Variants in DRD3 observed in about 807,000 individuals in gnomAD.
DRD3 encodes dopamine receptor D3.
DRD3 carries 19 observed loss-of-function variants against 36.3 expected under a neutral mutation model. The ratio of observed to expected loss-of-function variants is 0.52; its 90% CI spans 0.36 to 0.77. The LOEUF is 0.77. DRD3 is among the 30% of genes least tolerant of loss of function. DRD3 has a pLI of 0.00. For missense variants in DRD3, 465 were observed against 505.3 expected, an observed-to-expected ratio of 0.92 and a Z score of 0.77; for synonymous variants, 195 against 203.7, an observed-to-expected ratio of 0.96 and a Z score of 0.36.
chr3:114,147,632 T>C, intron 3 of DRD3, 75 bp from the exon 4 acceptor site: 1 of 1,549,994 alleles, frequency 6.5e-7, no homozygotes, highest in Non-Finnish European at 8.8e-7. Context: ...TTGTTGTTGT[T>C]GTTGTTTTTG....
At chr3:114,130,664 C>T (rs1015242517) in intron 6 of DRD3, among the ~76,000 whole-genome samples, 1 of 152,160 alleles carries the variant, frequency 6.6e-6, no homozygotes, top group Non-Finnish European at 1.5e-5. Flanking sequence ...ACCTCGTGAT[C>T]TGCCCACCTC....
intron 1 of DRD3, among the ~76,000 whole-genome samples, chr3:114,188,195 C>T (rs2077985956): frequency 1.3e-5 from 2 of 148,626 alleles, no homozygotes; most frequent in Admixed American, 1.3e-4. Context: ...TAGGGATCAA[C>T]ATTTCTTTTT....
chr3:114,176,170 G>T (rs1416112524), intron 1 of DRD3: 1 of 152,202 alleles, frequency 6.6e-6, no homozygotes, highest in Non-Finnish European at 1.5e-5. Context: ...AAGACTTACA[G>T]AGTTTTAATT....
At chr3:114,183,602 G>T (rs1022369110), upstream of DRD3, among the ~76,000 whole-genome samples, 1 of 151,612 alleles carries the variant, frequency 6.6e-6, no homozygotes, top group Non-Finnish European at 1.5e-5. Context: ...TATTTTGATC[G>T]TCTGTTATGA....
upstream of DRD3, among the ~76,000 whole-genome samples, chr3:114,180,987 T>C (rs2077944833): frequency 6.6e-6 from 1 of 152,180 alleles, no homozygotes; most frequent in South Asian, 2.1e-4. Flanking sequence ...CAGTATCCTA[T>C]GTTTATTTTC....
chr3:114,139,631 A>G lies in DRD3; in HGVS notation c.592T>C (p.Tyr198His). The stretch of plus-strand genomic sequence containing the variant: ...AGGACAGTCACTCCAAAGGGCAGGT[A>G]GAAGGACACCACTGAAGAGTAGATG... ...FVIYSSVVSF[Y>H]LPFGVTVLVY... Residue 198 changes from tyrosine to histidine, a missense_variant, in exon 5 of 7, where the codon TAC becomes CAC. Coordinates refer to ENST00000383673, the MANE Select transcript of DRD3 (RefSeq NM_000796.6). 2.5e-6 allele frequency: 4 copies of G among 1,614,222 alleles called. No individual in the cohort carries two copies. The highest frequency in any genetic ancestry group is 3.4e-6 in the Non-Finnish European group (4 of 1,180,044).
intron 5 of DRD3, among the ~76,000 whole-genome samples, chr3:114,137,611 T>C (rs2077485338): frequency 6.6e-6 from 1 of 151,850 alleles, no homozygotes; most frequent in South Asian, 2.1e-4. Context: ...CTTGGAGAGG[T>C]TGAGGTGGGC....
intron 4 of DRD3, among the ~76,000 whole-genome samples, chr3:114,146,709 A>G (rs974512880): frequency 5.3e-5 from 8 of 151,150 alleles, no homozygotes; most frequent in Admixed American, 2.6e-4. Context: ...AAAAAAAAAA[A>G]AAAAAGAAAA....
chr3:114,138,907 A>G (rs558383530), intron 5 of DRD3, among the ~76,000 whole-genome samples: 40 of 152,224 alleles, frequency 2.6e-4, no homozygotes, highest in Non-Finnish European at 5.1e-4. Flanking sequence ...TCGTGGGAAA[A>G]CTACTAAGTG....
At chr3:114,182,352 C>T (rs1378242653), upstream of DRD3, among the ~76,000 whole-genome samples, 1 of 152,164 alleles carries the variant, frequency 6.6e-6, no homozygotes, top group Non-Finnish European at 1.5e-5. Context: ...TTGAGCACCA[C>T]TTTCTTCCTT....
rs1001122684 is a variant in DRD3, at chr3:114,167,519, A to C, written c.270+4204T>G. ...CTGAAATATAATCTTCTGTGAGGTC[A>C]CCTGCTTGGTTTTTGTCCTGAACTT... On this transcript the variant is annotated intron_variant, in intron 2 of 6. Coordinates refer to ENST00000383673, the MANE Select transcript of DRD3 (RefSeq NM_000796.6). Among the ~76,000 whole-genome samples the C allele has an allele frequency of 4.8e-4, 73 of 152,336 alleles. 1 individual carries two copies. The highest frequency in any genetic ancestry group is 1.7e-3 in the African/African-American group (70 of 41,578).
intron 1 of DRD3, among the ~76,000 whole-genome samples, chr3:114,198,993 C>T (rs2078051307): frequency 6.6e-6 from 1 of 152,220 alleles, no homozygotes; most frequent in Admixed American, 6.5e-5. Context: ...GATACACTCA[C>T]TTCAACCTCC....
At chr3:114,131,616 T>A (rs774588882) in intron 5 of DRD3, among the ~76,000 whole-genome samples, 2 of 152,204 alleles carry the variant, frequency 1.3e-5, no homozygotes, top group Non-Finnish European at 2.9e-5. Flanking sequence ...CACCATATCA[T>A]CAGAGTGAAC....
intron 1 of DRD3, among the ~76,000 whole-genome samples, chr3:114,187,917 A>G (rs1576091134): frequency 6.6e-6 from 1 of 152,296 alleles, no homozygotes; most frequent in East Asian, 1.9e-4. Context: ...TGTGCCTCAT[A>G]TTCATTATGA....
At chr3:114,191,411 C>T (rs536972825) in intron 1 of DRD3, among the ~76,000 whole-genome samples, 4 of 152,278 alleles carry the variant, frequency 2.6e-5, no homozygotes, top group African/African-American at 9.6e-5. Context: ...GAGATGGGAA[C>T]ACGATTGGCA....
Position 114,133,424 on chromosome 3 carries a change from C to T in DRD3, c.724-2024G>A, listed in dbSNP as rs555730333. 4.7e-4 allele frequency among the ~76,000 whole-genome samples: 72 copies of T among 151,730 alleles called. 2 individuals carry two copies. Among genetic ancestry groups the T allele is most frequent in the African/African-American group, 1.7e-3 (70 of 41,338 alleles). ...ATTGTAGATGAAATAAGACTGACCA[C>T]GAATTGATCACGACTGAGGCTGCCT... On this transcript the variant is annotated intron_variant, in intron 5 of 6. Coordinates refer to ENST00000383673, the MANE Select transcript of DRD3 (RefSeq NM_000796.6).
chr3:114,143,903 C>T (rs1413364721), intron 4 of DRD3, among the ~76,000 whole-genome samples: 1 of 152,186 alleles, frequency 6.6e-6, no homozygotes, highest in Admixed American at 6.5e-5. Context: ...TTAAAAATAA[C>T]ACAATAGCTT....
intron 1 of DRD3, among the ~76,000 whole-genome samples, chr3:114,196,337 C>T (rs975742138): frequency 4.6e-5 from 7 of 151,718 alleles, no homozygotes; most frequent in African/African-American, 7.3e-5. Flanking sequence ...TTTTTAGAGA[C>T]GGGGTCTCAC....
upstream of DRD3, among the ~76,000 whole-genome samples, chr3:114,182,046 A>C (rs1357518791): frequency 6.6e-6 from 1 of 152,220 alleles, no homozygotes; most frequent in Non-Finnish European, 1.5e-5. Flanking sequence ...TTTGATTATC[A>C]TGATGATCTT....
Sources: gnomAD v4.1 joint callset for allele counts (sites outside exome capture counted in the v4.1 genomes callset) on GRCh38, gnomAD v4.1.1 for gene constraint, MANE v1.5 for transcripts, NCBI Gene and HGNC (gene_info 2026-07-23, HGNC 2026-07-21) for gene names.